NAA35: variants seen among roughly 807,000 people sequenced by gnomAD.
NAA35 encodes MAK10 homolog, amino-acid N-acetyltransferase subunit.
NAA35 carries 18 observed loss-of-function variants against 101.7 expected under a neutral mutation model. That is an observed-to-expected ratio of 0.18 (90% CI 0.12 to 0.26). The LOEUF (loss-of-function observed/expected upper bound fraction) is 0.26. Ranked by LOEUF, NAA35 falls within the 10% of genes least tolerant of loss-of-function variation. The pLI, the probability that NAA35 is intolerant of heterozygous loss-of-function variation, is 1.00. For synonymous variants in NAA35, 267 were observed against 273.1 expected (o/e 0.98, Z 0.22); for missense variants, 601 against 886.8 (o/e 0.68, Z 4.09).
At chr9:85,953,545 C>G (rs913039499) in intron 2 of NAA35, among the ~76,000 whole-genome samples, 3 of 152,108 alleles carry the variant, frequency 2.0e-5, no homozygotes, top group Non-Finnish European at 4.4e-5. Flanking sequence ...TCCACCTCAG[C>G]CTTCCAAGTA....
intron 12 of NAA35, among the ~76,000 whole-genome samples, chr9:85,999,372 A>C (rs984638677): frequency 6.6e-6 from 1 of 152,218 alleles, no homozygotes; most frequent in African/African-American, 2.4e-5. Flanking sequence ...TTTAAGTAAA[A>C]TCAACCTGTA....
intron 12 of NAA35, 72 bp from the exon 13 acceptor site, chr9:86,003,513 C>A (rs572551602): frequency 1.2e-5 from 9 of 769,430 alleles, no homozygotes; most frequent in African/African-American, 8.8e-5. Flanking sequence ...GTAAAAATTA[C>A]AGTCTGATGA....
chr9:86,020,027 T>G (rs748267032), intron 21 of NAA35, among the ~76,000 whole-genome samples: 1 of 152,176 alleles, frequency 6.6e-6, no homozygotes, highest in Non-Finnish European at 1.5e-5. Flanking sequence ...TCCTTATGAT[T>G]TAAGAAATCT....
At position 85,941,933 on chromosome 9, in the gene NAA35, C is replaced by T. The variant is rs1204870026; in HGVS notation, c.-5-222C>T. 1.4e-5 allele frequency: 17 copies of T among 1,239,072 alleles called. No individual in the cohort carries two copies. In the East Asian group the frequency reaches 4.8e-4, roughly 35 times the overall value. The allele number at this position is 1,239,072 out of a possible 1,614,324, so 76.8% of individuals were successfully genotyped here. A position where few individuals can be genotyped will look rare whatever the true frequency, so the allele number is the denominator to read the frequency against. On this transcript the variant is annotated intron_variant, in intron 1 of 22. Transcript: ENST00000361671. ...TAGGAAGGCAAAATGTTTATGGGCCCTGGTAGGTGGTGGGCTAATAGTAAG... is the reference window on the plus strand; with the variant it reads ...TAGGAAGGCAAAATGTTTATGGGCCTTGGTAGGTGGTGGGCTAATAGTAAG...
chr9:85,994,325 C>T (rs2118238734), intron 11 of NAA35, among the ~76,000 whole-genome samples: 1 of 152,302 alleles, frequency 6.6e-6, no homozygotes, highest in East Asian at 1.9e-4. Flanking sequence ...TCCCTCCTCC[C>T]CACAAACCCT....
chr9:85,998,002 C>T (rs1012341944), intron 12 of NAA35, among the ~76,000 whole-genome samples: 3 of 152,114 alleles, frequency 2.0e-5, no homozygotes, highest in Non-Finnish European at 4.4e-5. Context: ...GCAAGCTCCA[C>T]CTCCCAGGTT....
intron 11 of NAA35, among the ~76,000 whole-genome samples, chr9:85,989,870 C>T (rs1830827667): frequency 6.6e-6 from 1 of 152,038 alleles, no homozygotes; most frequent in Non-Finnish European, 1.5e-5. Context: ...ATGCAGGGGT[C>T]CAGAGATACT....
In NAA35 at chr9:85,956,351, T is replaced by G. The variant is rs1829276045; in HGVS notation, c.125-9T>G. On this transcript the variant is annotated splice_polypyrimidine_tract_variant and intron_variant, in intron 2 of 22. Transcript: ENST00000361671. ...TATGTTCAAAGGGTTTTTCTCTTTT[T>G]TTTTTTAGAATTAAAGTTGGGAGAA... 2 of 1,376,678 alleles carry G rather than the reference T, an allele frequency of 1.5e-6. No homozygotes were observed. Among genetic ancestry groups the G allele is most frequent in the Non-Finnish European group, 2.0e-6 (2 of 1,010,272 alleles). The allele number at this position is 1,376,678 out of a possible 1,614,324, so 85.3% of individuals were successfully genotyped here.
intron 11 of NAA35, among the ~76,000 whole-genome samples, chr9:85,992,577 A>G (rs1040723415): frequency 6.6e-6 from 1 of 152,224 alleles, no homozygotes. Flanking sequence ...AATATTCCAA[A>G]GATTCATAAT....
intron 6 of NAA35, among the ~76,000 whole-genome samples, chr9:85,971,955 C>T (rs1046664694): frequency 4.0e-5 from 6 of 151,878 alleles, no homozygotes; most frequent in African/African-American, 9.7e-5. Context: ...TCCCTAGTTT[C>T]ACTCTGACTT....
intron 5 of NAA35, among the ~76,000 whole-genome samples, chr9:85,960,319 C>T (rs1314892996): frequency 6.6e-6 from 1 of 152,056 alleles, no homozygotes; most frequent in Non-Finnish European, 1.5e-5. Flanking sequence ...ATTATGTCTT[C>T]CCTAGAAAGT....
At chr9:86,003,692 A>G (rs1356082433) in intron 13 of NAA35, 48 bp downstream of exon 13, 1 of 1,115,226 alleles carries the variant, frequency 9.0e-7, no homozygotes, top group Non-Finnish European at 1.3e-6. Context: ...TTATATGTGT[A>G]TTGACATTGT....
intron 11 of NAA35, among the ~76,000 whole-genome samples, chr9:85,979,963 C>G (rs918180247): frequency 6.6e-6 from 1 of 152,190 alleles, no homozygotes; most frequent in Admixed American, 6.5e-5. Flanking sequence ...ACACCAGTTC[C>G]ATGTCTGGGT....
At chr9:85,942,427 A>G (rs1164652269) in intron 2 of NAA35, 144 bp downstream of exon 2, 4 of 1,120,866 alleles carry the variant, frequency 3.6e-6, no homozygotes, top group South Asian at 3.1e-5. Context: ...TGTATCCTCT[A>G]ATTTTAACTT....
At chr9:86,007,220 G>A in intron 13 of NAA35, 138 bp from the exon 14 acceptor site, 2 of 501,488 alleles carry the variant, frequency 4.0e-6, no homozygotes, top group Non-Finnish European at 3.5e-6. Context: ...TGTGGAGACA[G>A]CAACTTATAA....
chr9:85,941,469 C>T (rs547643079), intron 1 of NAA35, 196 bp downstream of exon 1: 57 of 985,376 alleles, frequency 5.8e-5, no homozygotes, highest in Non-Finnish European at 6.5e-5. Context: ...CCGGTGTTGC[C>T]GAGGCGACGA....
rs1832641881 is a variant in NAA35, at chr9:86,023,186, T to A, written c.*1226T>A. On this transcript the variant is annotated 3_prime_UTR_variant, in exon 23 of 23. Transcript: ENST00000361671. Reference sequence around the variant, plus strand: ...TCTCCTTTCCAAGAGCGGTAATACTTGTGTTATTCAAGAACAGCCATTAGG... The same window carrying A: ...TCTCCTTTCCAAGAGCGGTAATACTAGTGTTATTCAAGAACAGCCATTAGG... 6.6e-6 allele frequency among the ~76,000 whole-genome samples: 1 copy of A among 152,140 alleles called. No individual in the cohort carries two copies. Among genetic ancestry groups the A allele is most frequent in the African/African-American group, 2.4e-5 (1 of 41,436 alleles).
At chr9:85,941,315 G>C in intron 1 of NAA35, 42 bp downstream of exon 1, 1 of 985,662 alleles carries the variant, frequency 1.0e-6, no homozygotes, top group Non-Finnish European at 1.2e-6. Context: ...CCTCTCGCTC[G>C]TGTGTCCGAG....
In NAA35 at chr9:85,975,209, G is replaced by C. The variant is rs965098028; in HGVS notation, c.627+52G>C. ...GGTTTTGGTACACTTCTAAATGTCAGTTTAACTTTACCTAATTAAAAATGT... is the reference window on the plus strand; with the variant it reads ...GGTTTTGGTACACTTCTAAATGTCACTTTAACTTTACCTAATTAAAAATGT... On this transcript the variant is annotated intron_variant, in intron 8 of 22. Transcript: ENST00000361671. The C allele has an allele frequency of 5.1e-6, 8 of 1,557,488 alleles. No homozygotes were observed. In the African/African-American group the frequency reaches 1.1e-4, roughly 21 times the overall value.
Sources: gnomAD v4.1 joint callset for allele counts (sites outside exome capture counted in the v4.1 genomes callset) on GRCh38, gnomAD v4.1.1 for gene constraint, MANE v1.5 for transcripts, NCBI Gene and HGNC (gene_info 2026-07-23, HGNC 2026-07-21) for gene names.